MTMR3: variants seen among roughly 807,000 people sequenced by gnomAD.
MTMR3 encodes the protein myotubularin related protein 3, also known as phosphatidylinositol-3,5-bisphosphate 3-phosphatase MTMR3.
Under a neutral mutation model 132.4 loss-of-function variants are expected in MTMR3, and 32 were observed. The observed-to-expected ratio is 0.24, with a 90% CI of 0.18 to 0.32. MTMR3 has a LOEUF of 0.32. MTMR3 is among the 10% of genes least tolerant of loss of function. MTMR3 has a pLI of 1.00. For synonymous variants in MTMR3, 556 were observed against 550.3 expected (o/e 1.01, Z -0.14); for missense variants, 1,216 against 1,489.6 (o/e 0.82, Z 3.02).
At chr22:29,904,033 A>G (rs764012737) in intron 1 of MTMR3, among the ~76,000 whole-genome samples, 8 of 152,174 alleles carry the variant, frequency 5.3e-5, no homozygotes, top group African/African-American at 2.4e-5. Context: ...TGGGAATTGC[A>G]GGTTAACCGT....
At chr22:29,949,019 GC>G (rs2066004512) in intron 1 of MTMR3, among the ~76,000 whole-genome samples, 1 of 151,420 alleles carries the variant, frequency 6.6e-6, no homozygotes, top group Admixed American at 6.6e-5. Flanking sequence ...GATCGCTTGA[GC>G]CTGAAAGGTT....
chr22:29,896,869 T>TCACACACACACACA (rs61038012), intron 1 of MTMR3, among the ~76,000 whole-genome samples: 4,312 of 138,116 alleles, frequency 0.031, 102 homozygotes, highest in Middle Eastern at 0.039. Flanking sequence ...CAGGCTTGTC[T>TCACACACACACACA]CACACACACA....
At chr22:29,976,594 T>C (rs1458139138) in intron 3 of MTMR3, among the ~76,000 whole-genome samples, 2 of 152,250 alleles carry the variant, frequency 1.3e-5, no homozygotes, top group South Asian at 2.1e-4. Context: ...GTCATTCTTA[T>C]GAAATTGGCA....
In MTMR3 at chr22:30,025,979, A is replaced by G; in HGVS notation, c.*178A>G. ...ATTGATTTTTCTTTCCTGTCCCCCT[A>G]CTCCCTCCCTACCTTTTCCATCCTC... is the stretch of plus-strand genomic sequence containing the variant. On this transcript the variant is annotated 3_prime_UTR_variant, in exon 20 of 20. Transcript: ENST00000401950. 5.4e-6 allele frequency: 3 copies of G among 550,698 alleles called. No homozygotes were observed. The highest frequency in any genetic ancestry group is 2.9e-5 in the East Asian group (1 of 33,946). The allele number at this position is 550,698 out of a possible 1,614,324, so 34.1% of individuals were successfully genotyped here. A position where few individuals can be genotyped will look rare whatever the true frequency, so the allele number is the denominator to read the frequency against.
intron 1 of MTMR3, among the ~76,000 whole-genome samples, chr22:29,925,845 G>A (rs893349537): frequency 2.0e-5 from 3 of 152,166 alleles, no homozygotes; most frequent in African/African-American, 4.8e-5. Flanking sequence ...AACTCAAGAT[G>A]CGGAGGTTGC....
chr22:29,953,088 T>TGCA (rs2066116163), intron 1 of MTMR3, among the ~76,000 whole-genome samples: 1 of 152,226 alleles, frequency 6.6e-6, no homozygotes, highest in African/African-American at 2.4e-5. Flanking sequence ...AAAAAATCTA[T>TGCA]TTTAACAGCG....
At chr22:29,891,520 C>T (rs957296451) in intron 1 of MTMR3, among the ~76,000 whole-genome samples, 32 of 151,942 alleles carry the variant, frequency 2.1e-4, no homozygotes, top group Non-Finnish European at 3.2e-4. Flanking sequence ...CAACCTCTGC[C>T]TCCTGGGTTG....
chr22:29,955,460 GTA>G lies in MTMR3; in HGVS notation c.-137-1574_-137-1573del, dbSNP rs1371012582. Among the ~76,000 whole-genome samples the G allele has an allele frequency of 4.6e-5, 7 of 152,256 alleles. No homozygotes were observed. In the South Asian group the frequency reaches 8.3e-4, roughly 18 times the overall value. ...CTCAACTTTCCTGCTGTACTATGTT[GTA>G]TTTAATACTTAGTTAAGCAACTTAA... On this transcript the variant is annotated intron_variant, in intron 1 of 19. Coordinates refer to ENST00000401950, the MANE Select transcript of MTMR3 (RefSeq NM_021090.4).
At chr22:29,901,022 T>G (rs1302128171) in intron 1 of MTMR3, among the ~76,000 whole-genome samples, 1 of 152,198 alleles carries the variant, frequency 6.6e-6, no homozygotes, top group African/African-American at 2.4e-5. Context: ...ACTGCCTAGT[T>G]ATGTGAAAAT....
At chr22:29,906,111 C>T (rs1490411326) in intron 1 of MTMR3, among the ~76,000 whole-genome samples, 1 of 152,082 alleles carries the variant, frequency 6.6e-6, no homozygotes, top group Non-Finnish European at 1.5e-5. Flanking sequence ...CTGTGTCAGC[C>T]TGCCAGGTAA....
intron 1 of MTMR3, among the ~76,000 whole-genome samples, chr22:29,925,474 C>G (rs2065497034): frequency 6.6e-6 from 1 of 151,374 alleles, no homozygotes; most frequent in African/African-American, 2.4e-5. Flanking sequence ...TGCAGAGGCT[C>G]TTAAAAGAGT....
chr22:29,975,789 A>G (rs896179167), intron 3 of MTMR3, among the ~76,000 whole-genome samples: 4 of 152,110 alleles, frequency 2.6e-5, no homozygotes, highest in African/African-American at 9.7e-5. Context: ...TATTTTTTGT[A>G]GAGATGGTGT....
At chr22:30,008,185 A>T in intron 11 of MTMR3, 153 bp downstream of exon 11, 1 of 954,208 alleles carries the variant, frequency 1.0e-6, no homozygotes, top group South Asian at 1.8e-5. Context: ...TGGATTCTTA[A>T]CACTGTATGT....
intron 1 of MTMR3, among the ~76,000 whole-genome samples, chr22:29,903,088 A>G (rs1443324141): frequency 6.6e-6 from 1 of 152,168 alleles, no homozygotes. Flanking sequence ...ATCTGGGCGT[A>G]ATGGCATGTG....
chr22:29,910,674 T>C (rs979933722), intron 1 of MTMR3, among the ~76,000 whole-genome samples: 1 of 152,072 alleles, frequency 6.6e-6, no homozygotes, highest in Admixed American at 6.5e-5. Flanking sequence ...TAAACTGTCA[T>C]ATATATAAGC....
intron 2 of MTMR3, among the ~76,000 whole-genome samples, chr22:29,966,032 A>G (rs1217461859): frequency 5.9e-5 from 9 of 152,184 alleles, no homozygotes; most frequent in African/African-American, 2.2e-4. Flanking sequence ...TTATGTGAAA[A>G]TTTCAAATAT....
chr22:29,949,127 ACACACACACACACACACCCC>A (rs1569019542), intron 1 of MTMR3, among the ~76,000 whole-genome samples: 32 of 30,730 alleles, frequency 1.0e-3, no homozygotes, highest in African/African-American at 1.8e-3. Context: ...ACACACACAC[ACACACACACACACACACCCC>A]CCCCCCCCCC....
chr22:29,896,980 A>G (rs1341538271), intron 1 of MTMR3, among the ~76,000 whole-genome samples: 1 of 151,922 alleles, frequency 6.6e-6, no homozygotes. Context: ...TTATTTTTTT[A>G]AAGTAAAATT....
intron 1 of MTMR3, among the ~76,000 whole-genome samples, chr22:29,899,073 A>G (rs2064957553): frequency 6.6e-6 from 1 of 152,200 alleles, no homozygotes; most frequent in Admixed American, 6.5e-5. Flanking sequence ...GTTAATTTGG[A>G]TGAGACTTTC....
Sources: allele counts gnomAD v4.1 joint callset (sites outside exome capture counted in the v4.1 genomes callset), GRCh38; gene constraint gnomAD v4.1.1; transcripts MANE v1.5; gene names NCBI Gene and HGNC (gene_info 2026-07-23, HGNC 2026-07-21).